The following CCDC141 variants were observed in gnomAD, a reference collection of about 807,000 sequenced individuals.
The protein encoded by CCDC141 is coiled-coil domain containing 141.
Under a neutral mutation model 181.0 loss-of-function variants are expected in CCDC141, and 168 were observed. That is an observed-to-expected ratio of 0.93 (90% CI 0.82 to 1.05). The LOEUF (loss-of-function observed/expected upper bound fraction) is 1.05. CCDC141 is among the 50% of genes least tolerant of loss of function. The pLI, the probability that CCDC141 is intolerant of heterozygous loss-of-function variation, is 0.00. For missense variants in CCDC141, 1,902 were observed against 1,788.5 expected (o/e 1.06, Z -1.14); for synonymous variants, 666 against 642.3 (o/e 1.04, Z -0.56).
chr2:179,048,723 G>A (rs1255208936), intron 1 of CCDC141, among the ~76,000 whole-genome samples: 4 of 152,150 alleles, frequency 2.6e-5, no homozygotes, highest in African/African-American at 7.2e-5. Flanking sequence ...GGAGGGTGAG[G>A]AAGTCAGCAG....
At chr2:178,975,345 G>A (rs939981666) in intron 3 of CCDC141, among the ~76,000 whole-genome samples, 180 bp from the exon 4 acceptor site, 2 of 152,130 alleles carry the variant, frequency 1.3e-5, no homozygotes, top group African/African-American at 2.4e-5. Context: ...GCATGAGGGT[G>A]TGTGTTTGCA....
At position 178,833,235 on chromosome 2, in the gene CCDC141, C is replaced by T. The variant is rs915748460; in HGVS notation, c.*938G>A. On this transcript the variant is annotated 3_prime_UTR_variant, in exon 24 of 24. Transcript: ENST00000443758. ...AGGAGGCCGGTCTGATGACAAATTA[C>T]ATTAAACAATATCATTATCCTTAGC... 5 of 152,108 alleles carry T rather than the reference C, an allele frequency of 3.3e-5. No individual in the cohort carries two copies. Among genetic ancestry groups the T allele is most frequent in the African/African-American group, 1.2e-4 (5 of 41,428 alleles). The allele number at this position is 152,108 out of a possible 1,614,324, so 9.4% of individuals were successfully genotyped here.
chr2:178,833,336 G>C lies in CCDC141; in HGVS notation c.*837C>G, dbSNP rs1425021681. The C allele has an allele frequency of 2.0e-5, 3 of 152,150 alleles. No homozygotes were observed. Among genetic ancestry groups the C allele is most frequent in the African/African-American group, 4.8e-5 (2 of 41,434 alleles). 9.4% of individuals were successfully genotyped at this position (152,150 alleles called of 1,614,324 possible). ...CTCAATTGCCCAAGAGGTAGATGAT[G>C]AACTCATTTTCCAGACAGGAAACTG... On this transcript the variant is annotated 3_prime_UTR_variant, in exon 24 of 24. Transcript: ENST00000443758.
rs1684354121 is a variant in CCDC141 at position 178,833,719 on chromosome 2, A to G, written c.*454T>C. 1 of 156,336 alleles carries G rather than the reference A, an allele frequency of 6.4e-6. No individual in the cohort carries two copies. The highest frequency in any genetic ancestry group is 6.2e-5 in the Admixed American group (1 of 16,242). 9.7% of individuals were successfully genotyped at this position (156,336 alleles called of 1,614,324 possible). A position where few individuals can be genotyped will look rare whatever the true frequency, so the allele number is the denominator to read the frequency against. ...AAGACATGGAAAGCAAAATTAAAGG[A>G]CAGCTAATGCAAAAATACAACATCA... On this transcript the variant is annotated 3_prime_UTR_variant, in exon 24 of 24. Transcript: ENST00000443758.
chr2:178,881,127 A>T (rs1686585240), intron 11 of CCDC141, among the ~76,000 whole-genome samples: 1 of 152,230 alleles, frequency 6.6e-6, no homozygotes. Flanking sequence ...AGAACAAAAA[A>T]GGAAAGTGAA....
rs771945803 is a variant in CCDC141, at chr2:178,850,137, A to G, written c.3269T>C (p.Ile1090Thr). 9 of 1,607,354 alleles carry G rather than the reference A, an allele frequency of 5.6e-6. No homozygotes were observed. The highest frequency in any genetic ancestry group is 7.7e-6 in the Non-Finnish European group (9 of 1,175,366). The change falls in exon 21 of 24, where the codon ATT (isoleucine) becomes ACT (threonine). Residue 1090 changes from isoleucine (I) to threonine (T), a missense_variant. Physicochemically the swap from Ile to Thr is moderately conservative, Grantham distance 89 (BLOSUM62 -1). Coordinates refer to ENST00000443758, the MANE Select transcript of CCDC141 (RefSeq NM_173648.4). ...TTTGTGTTTTGTCACTATTTTCTCA[A>G]TATATTTCTGTCCTTCTTCCAAACC... ...LYGLEEGQKY[I>T]EKIVTKHKEV...
chr2:178,926,025 G>T (rs1450305866), intron 6 of CCDC141, among the ~76,000 whole-genome samples: 2 of 151,948 alleles, frequency 1.3e-5, no homozygotes, highest in Admixed American at 1.3e-4. Context: ...CTCAAATATA[G>T]ACTTTTTTAA....
chr2:178,940,174 C>G (rs1229340354), intron 6 of CCDC141, among the ~76,000 whole-genome samples: 3 of 152,030 alleles, frequency 2.0e-5, no homozygotes, highest in Non-Finnish European at 2.9e-5. Flanking sequence ...AGAAGGAGTA[C>G]AGCAGAAGAA....
intron 2 of CCDC141, among the ~76,000 whole-genome samples, chr2:179,032,084 G>A (rs551895280): frequency 6.6e-6 from 1 of 152,164 alleles, no homozygotes; most frequent in South Asian, 2.1e-4. Context: ...CCACTTTACT[G>A]GCTTGACTCA....
intron 8 of CCDC141, among the ~76,000 whole-genome samples, chr2:178,893,809 ACACACACACACACG>A (rs1687271105): frequency 2.9e-5 from 4 of 138,124 alleles, no homozygotes; most frequent in East Asian, 4.0e-4. Context: ...TCACACACAC[ACACACACACACACG>A]CACACACACA....
chr2:178,916,369 T>C (rs1048223875), intron 7 of CCDC141, among the ~76,000 whole-genome samples: 7 of 152,040 alleles, frequency 4.6e-5, no homozygotes, highest in African/African-American at 9.7e-5. Flanking sequence ...AGGCTAAAAA[T>C]TGGGTAAAGT....
chr2:178,978,430 G>A (rs1243450975), intron 3 of CCDC141, 54 bp downstream of exon 3: 1 of 1,128,632 alleles, frequency 8.9e-7, no homozygotes, highest in Non-Finnish European at 1.2e-6. Context: ...ATTTTCAGGA[G>A]TGCTATTCAT....
chr2:178,912,829 G>T (rs555021882), intron 7 of CCDC141, among the ~76,000 whole-genome samples: 1 of 152,250 alleles, frequency 6.6e-6, no homozygotes, highest in East Asian at 1.9e-4. Flanking sequence ...CTGGCGAATT[G>T]AATTATCTTA....
intron 2 of CCDC141, among the ~76,000 whole-genome samples, chr2:179,017,601 CT>C (rs2042580378): frequency 6.6e-6 from 1 of 152,062 alleles, no homozygotes; most frequent in Admixed American, 6.6e-5. Context: ...AAATTAGACA[CT>C]GTCTGAGGTG....
At chr2:178,855,305 AAAC>A (rs771615628) in intron 19 of CCDC141, 39 bp downstream of exon 19, 16 of 1,536,984 alleles carry the variant, frequency 1.0e-5, no homozygotes, top group Non-Finnish European at 1.4e-5. Context: ...TGATTTTTGA[AAAC>A]AACATTACAA....
At chr2:178,827,942 T>G (rs1473038894), downstream of CCDC141, among the ~76,000 whole-genome samples, 1 of 152,168 alleles carries the variant, frequency 6.6e-6, no homozygotes, top group Non-Finnish European at 1.5e-5. Flanking sequence ...TCCTCACTTC[T>G]TTTAGCTTCC....
intron 2 of CCDC141, among the ~76,000 whole-genome samples, chr2:179,016,184 G>C (rs908302652): frequency 5.6e-5 from 8 of 142,100 alleles, no homozygotes; most frequent in African/African-American, 2.0e-4. Flanking sequence ...AATGGACTTT[G>C]AGGACTTGGG....
the CCDC141 span, among the ~76,000 whole-genome samples, chr2:178,815,542 A>T: frequency 6.6e-6 from 1 of 151,920 alleles, no homozygotes; most frequent in Non-Finnish European, 1.5e-5. Flanking sequence ...ATAGATTGTG[A>T]TTTGGGGACA....
In CCDC141 at chr2:178,855,327, C is replaced by A; in HGVS notation, c.3060+20G>T. On this transcript the variant is annotated intron_variant, in intron 19 of 23. Coordinates refer to ENST00000443758, the MANE Select transcript of CCDC141 (RefSeq NM_173648.4). Reference sequence around the variant, plus strand: ...TGAAAACAACATTACAACATGGATACCACTGCAAAAAGAGAATACCTCTTC... The same window carrying A: ...TGAAAACAACATTACAACATGGATAACACTGCAAAAAGAGAATACCTCTTC... 1 of 1,588,812 alleles carries A rather than the reference C, an allele frequency of 6.3e-7. No individual in the cohort carries two copies. The highest frequency in any genetic ancestry group is 1.2e-5 in the South Asian group (1 of 85,296).
Sources: gnomAD v4.1 joint callset for allele counts (sites outside exome capture counted in the v4.1 genomes callset) on GRCh38, gnomAD v4.1.1 for gene constraint, MANE v1.5 for transcripts, NCBI Gene and HGNC (gene_info 2026-07-23, HGNC 2026-07-21) for gene names.